DOK6: variants seen among roughly 807,000 people sequenced by gnomAD.
DOK6 encodes downstream of tyrosine kinase 6.
DOK6 carries 22 observed loss-of-function variants against 44.0 expected under a neutral mutation model. The observed-to-expected ratio is 0.50, with a 90% CI of 0.36 to 0.71. The LOEUF (loss-of-function observed/expected upper bound fraction) is 0.71. Ranked by LOEUF, DOK6 falls within the 30% of genes least tolerant of loss-of-function variation. DOK6 has a pLI of 0.00. For missense variants in DOK6, 340 were observed against 416.4 expected (o/e 0.82, Z 1.60); for synonymous variants, 166 against 145.5 (o/e 1.14, Z -1.01).
intron 1 of DOK6, among the ~76,000 whole-genome samples, chr18:69,549,383 T>C (rs774141067): frequency 6.6e-6 from 1 of 151,456 alleles, no homozygotes; most frequent in Non-Finnish European, 1.5e-5. Flanking sequence ...TTAGTAGTTG[T>C]AGGATGAGGC....
At chr18:69,817,059 A>C (rs1178835710) in intron 7 of DOK6, among the ~76,000 whole-genome samples, 1 of 152,220 alleles carries the variant, frequency 6.6e-6, no homozygotes, top group Non-Finnish European at 1.5e-5. Flanking sequence ...AAGGATGTGC[A>C]TATTAAACTG....
In DOK6 at chr18:69,413,990, T is replaced by A. The variant is rs151316011; in HGVS notation, c.66+12680T>A. 4.6e-5 allele frequency among the ~76,000 whole-genome samples: 7 copies of A among 151,872 alleles called. No individual in the cohort carries two copies. The East Asian group carries it at 1.2e-3, about 25-fold the overall frequency. ...ATATACAAATAACCACATAAACAGG[T>A]GTCTGACATCATTAACCATTAGGAA... On this transcript the variant is annotated intron_variant, in intron 1 of 7. Transcript: ENST00000382713.
At chr18:69,760,485 G>A (rs1018041371) in intron 7 of DOK6, among the ~76,000 whole-genome samples, 1 of 152,092 alleles carries the variant, frequency 6.6e-6, no homozygotes, top group African/African-American at 2.4e-5. Flanking sequence ...TTCACCTTGG[G>A]AGAGAGCAAA....
intron 1 of DOK6, among the ~76,000 whole-genome samples, chr18:69,493,170 T>C (rs1980787239): frequency 1.3e-5 from 2 of 152,208 alleles, no homozygotes; most frequent in South Asian, 2.1e-4. Context: ...ATATTCATAT[T>C]CATCTTTGAG....
At chr18:69,649,579 A>T (rs1440738336) in intron 3 of DOK6, among the ~76,000 whole-genome samples, 1 of 152,172 alleles carries the variant, frequency 6.6e-6, no homozygotes, top group Non-Finnish European at 1.5e-5. Context: ...CCCCCTTCTT[A>T]AAGATAGTGG....
chr18:69,408,562 T>G (rs1158094755), intron 1 of DOK6, among the ~76,000 whole-genome samples: 1 of 152,226 alleles, frequency 6.6e-6, no homozygotes, highest in Non-Finnish European at 1.5e-5. Context: ...TGGAAGATGA[T>G]ATTTTATTTA....
chr18:69,444,528 G>T (rs1280532233), intron 1 of DOK6, among the ~76,000 whole-genome samples: 4 of 152,008 alleles, frequency 2.6e-5, no homozygotes, highest in Non-Finnish European at 4.4e-5. Context: ...TCAGTGGGAA[G>T]AATTTGCCAT....
chr18:69,416,553 G>T (rs551633205), intron 1 of DOK6, among the ~76,000 whole-genome samples: 1 of 151,766 alleles, frequency 6.6e-6, no homozygotes, highest in African/African-American at 2.4e-5. Context: ...AGCAGAAAGT[G>T]GGAGAAACAT....
At chr18:69,597,405 C>T (rs905175243) in intron 2 of DOK6, among the ~76,000 whole-genome samples, 15 of 152,114 alleles carry the variant, frequency 9.9e-5, no homozygotes, top group Admixed American at 9.2e-4. Flanking sequence ...CATTATATTA[C>T]CTCGTTTTAT....
At chr18:69,823,008 T>C (rs1380277051) in intron 7 of DOK6, among the ~76,000 whole-genome samples, 1 of 152,206 alleles carries the variant, frequency 6.6e-6, no homozygotes, top group Non-Finnish European at 1.5e-5. Context: ...ATAATTAAAA[T>C]ACTTTGATTC....
intron 3 of DOK6, among the ~76,000 whole-genome samples, chr18:69,632,157 A>G (rs1984704488): frequency 6.6e-6 from 1 of 152,234 alleles, no homozygotes; most frequent in African/African-American, 2.4e-5. Flanking sequence ...AACTTGGTAC[A>G]TACTTTATCA....
chr18:69,716,494 CG>C (rs953950025), intron 5 of DOK6, among the ~76,000 whole-genome samples: 11 of 152,106 alleles, frequency 7.2e-5, no homozygotes, highest in Non-Finnish European at 4.4e-5. Context: ...TGAAATAGCT[CG>C]GGTTTTATTT....
chr18:69,668,957 G>A (rs11151524), intron 3 of DOK6, among the ~76,000 whole-genome samples: 118,557 of 152,024 alleles, frequency 0.78, 46,542 homozygotes, highest in East Asian at 0.97. Context: ...AGGAAGTATG[G>A]TAGGGTTTTG....
In DOK6 at chr18:69,571,609, C is replaced by T. The variant is rs116048171; in HGVS notation, c.174+7015C>T. ...GTATTAAATCAGAGAAATAGACTTC[C>T]GGACAAAGAGTATTACCAAAGATAA... On this transcript the variant is annotated intron_variant, in intron 2 of 7. Transcript: ENST00000382713. 4.0e-3 allele frequency among the ~76,000 whole-genome samples: 613 copies of T among 151,938 alleles called. 4 individuals carry two copies. Among genetic ancestry groups the T allele is most frequent in the African/African-American group, 0.014 (578 of 41,476 alleles).
intron 7 of DOK6, among the ~76,000 whole-genome samples, chr18:69,826,733 G>A (rs76669124): frequency 2.0e-5 from 3 of 152,064 alleles, no homozygotes; most frequent in African/African-American, 7.2e-5. Context: ...AGATTTCTAG[G>A]CTCTGAAATT....
chr18:69,662,000 G>A (rs1985539915), intron 3 of DOK6: 1 of 152,124 alleles, frequency 6.6e-6, no homozygotes. Flanking sequence ...TGGTTCTTCT[G>A]AATAAACTCA....
At chr18:69,419,646 A>C (rs1837646358) in intron 1 of DOK6, among the ~76,000 whole-genome samples, 1 of 152,104 alleles carries the variant, frequency 6.6e-6, no homozygotes. Context: ...GTGTTAGTAT[A>C]TGTTTAATAT....
Position 69,476,442 on chromosome 18 carries a change from A to C in DOK6, c.66+75132A>C, listed in dbSNP as rs1223875376. Among the ~76,000 whole-genome samples the C allele has an allele frequency of 1.7e-3, 256 of 152,242 alleles. 2 individuals are homozygous for C. Among genetic ancestry groups the C allele is most frequent in the East Asian group, 0.013 (65 of 5,180 alleles). The stretch of plus-strand genomic sequence containing the variant: ...CAAGAGCGGAAGAGAAATCAGAGGG[A>C]TTCTTGGAAGGCACGGGTAATCGTC... On this transcript the variant is annotated intron_variant, in intron 1 of 7. Coordinates refer to ENST00000382713, the MANE Select transcript of DOK6 (RefSeq NM_152721.6).
chr18:69,839,948 A>T (rs865818542), intron 7 of DOK6, among the ~76,000 whole-genome samples: 9 of 152,284 alleles, frequency 5.9e-5, no homozygotes, highest in Middle Eastern at 6.8e-3. Flanking sequence ...TTTTAATGCA[A>T]GATTTTTCTC....
Sources: allele counts gnomAD v4.1 joint callset (sites outside exome capture counted in the v4.1 genomes callset), GRCh38; gene constraint gnomAD v4.1.1; transcripts MANE v1.5; gene names NCBI Gene and HGNC (gene_info 2026-07-23, HGNC 2026-07-21).